The following PCDH11X variants were observed in gnomAD, a reference collection of about 807,000 sequenced individuals.
PCDH11X encodes protocadherin-11 X-linked.
PCDH11X carries 18 observed loss-of-function variants against 53.3 expected under a neutral mutation model. The ratio of observed to expected loss-of-function variants is 0.34; its 90% confidence interval spans 0.23 to 0.50. The LOEUF (loss-of-function observed/expected upper bound fraction) is 0.50. Ranked by LOEUF, PCDH11X falls within the 20% of genes least tolerant of loss-of-function variation. The probability of loss-of-function intolerance (pLI) is 0.98; values close to 1 mark genes in which losing one functional copy is unlikely to be tolerated. For missense variants in PCDH11X, 570 were observed against 1,032.4 expected (o/e 0.55, Z 6.14); for synonymous variants, 279 against 393.3 (o/e 0.71, Z 3.44).
intron 4 of PCDH11X, among the ~76,000 whole-genome samples, chrX:91,814,571 A>C (rs925726336): frequency 2.1e-5 from 2 of 95,157 alleles, no homozygotes; most frequent in African/African-American, 7.7e-5. Flanking sequence ...AGATTATATG[A>C]AATATTCATT....
At chrX:92,591,895 T>A (rs1371668601) in intron 10 of PCDH11X, among the ~76,000 whole-genome samples, 3 of 110,767 alleles carry the variant, frequency 2.7e-5, no homozygotes, top group African/African-American at 3.3e-5. Flanking sequence ...ATTATGGAGA[T>A]GTCTCCTCTA....
chrX:91,825,738 G>T (rs367568936), intron 4 of PCDH11X, among the ~76,000 whole-genome samples: 2 of 107,738 alleles, frequency 1.9e-5, no homozygotes, highest in Non-Finnish European at 3.8e-5. Flanking sequence ...TGTGTATTTG[G>T]TACAGTGCCC....
At chrX:91,886,908 T>G (rs1940237646) in intron 6 of PCDH11X, among the ~76,000 whole-genome samples, 2 of 102,922 alleles carry the variant, frequency 1.9e-5, no homozygotes, top group Admixed American at 2.1e-4. Context: ...GAGGCGGAGC[T>G]TGCAGTGAGC....
chrX:92,589,722 T>A (rs1223088128), intron 10 of PCDH11X, among the ~76,000 whole-genome samples: 1 of 111,504 alleles, frequency 9.0e-6, no homozygotes, highest in African/African-American at 3.3e-5. Context: ...AGATCTGAGC[T>A]AATCTACCCC....
chrX:91,953,777 A>T (rs1301202018), intron 6 of PCDH11X, among the ~76,000 whole-genome samples: 1 of 109,721 alleles, frequency 9.1e-6, no homozygotes, highest in Non-Finnish European at 1.9e-5. Context: ...TGTTATTTAG[A>T]AGTGAGGTCT....
intron 9 of PCDH11X, among the ~76,000 whole-genome samples, chrX:92,433,308 TATAA>T (rs1216028487): frequency 9.0e-6 from 1 of 110,528 alleles, no homozygotes; most frequent in Non-Finnish European, 1.9e-5. Context: ...ATAGTTAGCA[TATAA>T]ATAATTCCTA....
In PCDH11X at chrX:92,611,376, T is replaced by A. The variant is rs184835056; in HGVS notation, c.3368-6888T>A. 1.3e-3 allele frequency among the ~76,000 whole-genome samples: 142 copies of A among 110,022 alleles called. 4 individuals are homozygous for A. The Admixed American group carries it at 0.013, about 10-fold the overall frequency. The stretch of plus-strand genomic sequence containing the variant: ...TTTGGCTATTGCAAATAAAATTCTA[T>A]TCTTGATTCAGCACTCAGCTTTAAT... On this transcript the variant is annotated intron_variant, in intron 10 of 10. Coordinates refer to ENST00000682573, the MANE Select transcript of PCDH11X (RefSeq NM_032968.5).
intron 7 of PCDH11X, among the ~76,000 whole-genome samples, chrX:92,233,762 A>T (rs1481807504): frequency 2.7e-5 from 3 of 112,282 alleles, no homozygotes; most frequent in African/African-American, 9.7e-5. Context: ...GTGTGCTTCA[A>T]ACTTAACTAA....
At chrX:91,983,125 A>G (rs2062168579) in intron 6 of PCDH11X, 1 of 1,010,704 alleles carries the variant, frequency 9.9e-7, no homozygotes, top group African/African-American at 1.9e-5. Context: ...TCTATGTTGC[A>G]GTCCAGGGTA....
At chrX:92,599,467 G>GT (rs945007215) in intron 10 of PCDH11X, among the ~76,000 whole-genome samples, 3 of 111,829 alleles carry the variant, frequency 2.7e-5, no homozygotes, top group African/African-American at 9.8e-5. Flanking sequence ...AGATCTGATG[G>GT]TTTTCTAAAG....
At chrX:91,974,169 A>T (rs189304986) in intron 6 of PCDH11X, among the ~76,000 whole-genome samples, 427 of 111,333 alleles carry the variant, frequency 3.8e-3, no homozygotes, top group African/African-American at 0.013. Flanking sequence ...TCCATGATTT[A>T]TTTTTATTAA....
intron 7 of PCDH11X, among the ~76,000 whole-genome samples, chrX:92,216,377 G>A (rs200363811): frequency 0.029 from 3,043 of 105,915 alleles, 75 homozygotes; most frequent in East Asian, 0.16. Context: ...GGAGCTGAAA[G>A]CCAAGGCTCG....
At chrX:92,243,196 T>C (rs1244003211) in intron 7 of PCDH11X, among the ~76,000 whole-genome samples, 2 of 111,840 alleles carry the variant, frequency 1.8e-5, no homozygotes, top group Non-Finnish European at 3.8e-5. Flanking sequence ...TAAAAAATAT[T>C]TTTGTAGACG....
At chrX:91,817,929 G>A (rs990543172) in intron 4 of PCDH11X, among the ~76,000 whole-genome samples, 2 of 111,459 alleles carry the variant, frequency 1.8e-5, no homozygotes, top group South Asian at 3.7e-4. Context: ...CCCTGTGATC[G>A]CAATTTCCTA....
At chrX:91,936,827 C>A (rs2061450747) in intron 6 of PCDH11X, among the ~76,000 whole-genome samples, 1 of 107,452 alleles carries the variant, frequency 9.3e-6, no homozygotes, top group Non-Finnish European at 1.9e-5. Context: ...TAACACTTTA[C>A]CTTTTCATTT....
chrX:92,342,912 AT>A (rs1193583269), intron 8 of PCDH11X, among the ~76,000 whole-genome samples: 5 of 112,286 alleles, frequency 4.5e-5, no homozygotes, highest in Non-Finnish European at 9.4e-5. Context: ...ATATTATTCC[AT>A]TTATCTTTTC....
chrX:91,833,268 A>G (rs1937177538), intron 4 of PCDH11X, among the ~76,000 whole-genome samples: 1 of 111,188 alleles, frequency 9.0e-6, no homozygotes, highest in Non-Finnish European at 1.9e-5. Context: ...AACATCCAAA[A>G]CTTCTTAGAT....
intron 9 of PCDH11X, among the ~76,000 whole-genome samples, chrX:92,420,796 T>A (rs1457356176): frequency 1.8e-5 from 2 of 111,788 alleles, no homozygotes; most frequent in Non-Finnish European, 3.8e-5. Context: ...TTATCATGGT[T>A]GGGGGTTGCT....
intron 8 of PCDH11X, among the ~76,000 whole-genome samples, chrX:92,313,346 CA>C (rs2068995734): frequency 9.1e-6 from 1 of 110,062 alleles, no homozygotes; most frequent in Non-Finnish European, 1.9e-5. Context: ...GCAAAAGTCA[CA>C]CAGTTAGTCA....
Sources: gnomAD v4.1 joint callset for allele counts (sites outside exome capture counted in the v4.1 genomes callset) on GRCh38, gnomAD v4.1.1 for gene constraint, MANE v1.5 for transcripts, NCBI Gene and HGNC (gene_info 2026-07-23, HGNC 2026-07-21) for gene names.